PDE4D: variants seen among roughly 807,000 people sequenced by gnomAD.
The protein encoded by PDE4D is 3',5'-cyclic-AMP phosphodiesterase 4D.
Under a neutral mutation model 87.4 loss-of-function variants are expected in PDE4D, and 24 were observed. That is an observed-to-expected ratio of 0.27 (90% CI 0.20 to 0.39). PDE4D has a LOEUF of 0.39. Among genes scored for constraint, PDE4D ranks in the 10% least tolerant of loss-of-function variants. The pLI is 1.00. For synonymous variants in PDE4D, 384 were observed against 383.2 expected (o/e 1.00, Z -0.02); for missense variants, 714 against 1,041.0 (o/e 0.69, Z 4.32).
chr5:59,082,714 A>G (rs903332889), intron 5 of PDE4D, among the ~76,000 whole-genome samples: 6 of 152,022 alleles, frequency 3.9e-5, no homozygotes. Flanking sequence ...CTACATGGGA[A>G]GAGTCAATAT....
intron 1 of PDE4D, among the ~76,000 whole-genome samples, chr5:59,841,450 TAG>T (rs1742981295): frequency 6.6e-6 from 1 of 152,064 alleles, no homozygotes; most frequent in Non-Finnish European, 1.5e-5. Context: ...TGGCAAAGTT[TAG>T]ATTAATTTTA....
At chr5:59,003,413 C>CTTCTTCT (rs1173156179) in intron 6 of PDE4D, among the ~76,000 whole-genome samples, 1 of 152,210 alleles carries the variant, frequency 6.6e-6, no homozygotes, top group Non-Finnish European at 1.5e-5. Context: ...AAATACCCTC[C>CTTCTTCT]TTCTTCTACT....
chr5:59,925,082 G>A (rs181033114), intron 3 of PDE4D, among the ~76,000 whole-genome samples: 4,549 of 147,066 alleles, frequency 0.031, 211 homozygotes, highest in African/African-American at 0.11. Flanking sequence ...GGCTGAGGCA[G>A]GAGAATGGCG....
At chr5:59,635,084 C>A (rs921708918) in intron 1 of PDE4D, among the ~76,000 whole-genome samples, 2 of 152,142 alleles carry the variant, frequency 1.3e-5, no homozygotes, top group Non-Finnish European at 2.9e-5. Flanking sequence ...GAAATACAAA[C>A]TACCACCAGA....
At chr5:59,580,535 T>C (rs1211236424) in intron 1 of PDE4D, among the ~76,000 whole-genome samples, 1 of 152,104 alleles carries the variant, frequency 6.6e-6, no homozygotes, top group Non-Finnish European at 1.5e-5. Flanking sequence ...GGCATGATCA[T>C]GGCTTATCGT....
intron 1 of PDE4D, among the ~76,000 whole-genome samples, chr5:59,301,755 C>T (rs1182760769): frequency 6.6e-6 from 1 of 151,832 alleles, no homozygotes; most frequent in Non-Finnish European, 1.5e-5. Flanking sequence ...GGCAGATAGG[C>T]AGATATGAGC....
intron 1 of PDE4D, among the ~76,000 whole-genome samples, chr5:59,484,236 C>A (rs1804731547): frequency 6.6e-6 from 1 of 152,148 alleles, no homozygotes; most frequent in Non-Finnish European, 1.5e-5. Flanking sequence ...TTTTGAGGGG[C>A]TTCCCCTCCA....
intron 1 of PDE4D, among the ~76,000 whole-genome samples, chr5:59,864,411 C>A (rs1467006396): frequency 6.6e-6 from 1 of 152,176 alleles, no homozygotes; most frequent in East Asian, 1.9e-4. Context: ...TTGACTCTAA[C>A]AAATGCTTTT....
At chr5:59,681,415 G>A (rs931805269) in intron 1 of PDE4D, among the ~76,000 whole-genome samples, 2 of 152,102 alleles carry the variant, frequency 1.3e-5, no homozygotes, top group Non-Finnish European at 2.9e-5. Context: ...AAGAAATGAT[G>A]AAATTACAAG....
At chr5:59,169,555 C>G (rs1281704428) in intron 5 of PDE4D, among the ~76,000 whole-genome samples, 2 of 152,144 alleles carry the variant, frequency 1.3e-5, no homozygotes, top group Non-Finnish European at 2.9e-5. Context: ...ACGAAGTCAG[C>G]ACAGATAATA....
At chr5:59,554,816 T>G (rs1818639156) in intron 1 of PDE4D, among the ~76,000 whole-genome samples, 2 of 152,178 alleles carry the variant, frequency 1.3e-5, no homozygotes, top group Non-Finnish European at 2.9e-5. Context: ...CACACCATAA[T>G]TTAAATGATG....
chr5:59,018,094 A>C (rs1021331706), intron 6 of PDE4D, among the ~76,000 whole-genome samples: 1 of 152,208 alleles, frequency 6.6e-6, no homozygotes, highest in African/African-American at 2.4e-5. Flanking sequence ...GTCAGGAGCT[A>C]ATAAATTGTA....
At chr5:59,796,166 C>A (rs538008160) in intron 1 of PDE4D, among the ~76,000 whole-genome samples, 1 of 152,094 alleles carries the variant, frequency 6.6e-6, no homozygotes, top group African/African-American at 2.4e-5. Context: ...GTCAAAAGAT[C>A]AGGGAGGAAG....
At chr5:59,348,010 GTTAAC>G (rs1779887841) in intron 1 of PDE4D, among the ~76,000 whole-genome samples, 1 of 152,024 alleles carries the variant, frequency 6.6e-6, no homozygotes, top group Non-Finnish European at 1.5e-5. Flanking sequence ...TTTATTTATT[GTTAAC>G]TTGTTTATTT....
intron 1 of PDE4D, among the ~76,000 whole-genome samples, chr5:59,290,146 C>G (rs984661681): frequency 1.3e-5 from 2 of 151,890 alleles, no homozygotes; most frequent in Non-Finnish European, 2.9e-5. Flanking sequence ...CAAGGACATT[C>G]TTCCCAGAAA....
intron 1 of PDE4D, among the ~76,000 whole-genome samples, chr5:59,840,134 A>G (rs1488267129): frequency 1.3e-5 from 2 of 149,808 alleles, no homozygotes; most frequent in Non-Finnish European, 3.0e-5. Context: ...CTGCTTCAAA[A>G]CCTCTTCCTC....
intron 6 of PDE4D, chr5:58,999,412 A>G: frequency 1.4e-6 from 1 of 704,282 alleles, no homozygotes; most frequent in African/African-American, 1.8e-5. Context: ...AGTTTGAACA[A>G]ATTACAGTAG....
chr5:59,524,261 C>A (rs149578706), intron 1 of PDE4D, among the ~76,000 whole-genome samples: 1,956 of 152,214 alleles, frequency 0.013, 23 homozygotes, highest in Non-Finnish European at 0.019. Context: ...AAGTTTGGGA[C>A]GTCTGAGAAA....
chr5:60,385,477 C>T (rs1450709234), intron 1 of PDE4D, among the ~76,000 whole-genome samples: 2 of 152,206 alleles, frequency 1.3e-5, no homozygotes, highest in Non-Finnish European at 2.9e-5. Context: ...CTTGTAGTCT[C>T]TGAGACTTGT....
Sources: allele counts gnomAD v4.1 joint callset (sites outside exome capture counted in the v4.1 genomes callset), GRCh38; gene constraint gnomAD v4.1.1; transcripts MANE v1.5; gene names NCBI Gene and HGNC (gene_info 2026-07-23, HGNC 2026-07-21).